DAB1: variants seen among roughly 807,000 people sequenced by gnomAD.
The protein encoded by DAB1 is DAB adaptor protein 1.
Under a neutral mutation model 64.6 loss-of-function variants are expected in DAB1, and 15 were observed. The ratio of observed to expected loss-of-function variants is 0.23; its 90% confidence interval spans 0.16 to 0.36. The LOEUF is 0.36. Among genes scored for constraint, DAB1 ranks in the 10% least tolerant of loss-of-function variants. DAB1 has a pLI of 1.00. For synonymous variants in DAB1, 235 were observed against 251.9 expected, an observed-to-expected ratio of 0.93 and a Z score of 0.64; for missense variants, 596 against 706.7, an observed-to-expected ratio of 0.84 and a Z score of 1.78.
At chr1:58,453,200 T>C (rs578152920) in intron 3 of DAB1, among the ~76,000 whole-genome samples, 1 of 149,928 alleles carries the variant, frequency 6.7e-6, no homozygotes, top group East Asian at 2.0e-4. Flanking sequence ...GAGAGAGAAC[T>C]AGTGATCACC....
chr1:57,452,166 C>CCTTTTTTT (rs367685387), intron 7 of DAB1, among the ~76,000 whole-genome samples: 10 of 75,010 alleles, frequency 1.3e-4, no homozygotes, highest in African/African-American at 1.8e-4. Flanking sequence ...TGCACCCCCC[C>CCTTTTTTT]TTTTTTTTTT....
chr1:57,543,513 AT>A (rs964593427), intron 7 of DAB1, among the ~76,000 whole-genome samples: 162 of 152,260 alleles, frequency 1.1e-3, no homozygotes, highest in African/African-American at 3.9e-3. Flanking sequence ...ACCTGCCCTC[AT>A]TTTTTTATTA....
In DAB1 at chr1:57,111,720, A is replaced by T. The variant is rs80084811; in HGVS notation, c.306+24823T>A. 4.0e-3 allele frequency among the ~76,000 whole-genome samples: 605 copies of T among 152,294 alleles called. 16 individuals are homozygous for T. In the East Asian group the frequency reaches 0.062, roughly 16 times the overall value. ...CACTATCTGAAATTATTTTATTTACATGGTTATTGCCTGACTCTTCCAATA... is the reference window on the plus strand; with the variant it reads ...CACTATCTGAAATTATTTTATTTACTTGGTTATTGCCTGACTCTTCCAATA... On this transcript the variant is annotated intron_variant, in intron 4 of 14. Transcript: ENST00000371236.
intron 4 of DAB1, among the ~76,000 whole-genome samples, chr1:57,087,096 T>C (rs1347455311): frequency 6.6e-6 from 1 of 152,214 alleles, no homozygotes; most frequent in Non-Finnish European, 1.5e-5. Context: ...CACAGAGCTA[T>C]GTAACCTGGA....
chr1:57,753,506 G>T (rs528428897), intron 6 of DAB1, among the ~76,000 whole-genome samples: 1 of 152,266 alleles, frequency 6.6e-6, no homozygotes, highest in East Asian at 1.9e-4. Flanking sequence ...TGAACATTTT[G>T]AAATCTCTGT....
At chr1:57,982,962 G>T (rs528465197) in intron 5 of DAB1, among the ~76,000 whole-genome samples, 1 of 152,298 alleles carries the variant, frequency 6.6e-6, no homozygotes, top group East Asian at 1.9e-4. Context: ...GAAAACGAAG[G>T]CTCAGAGAGA....
chr1:57,211,759 T>TA (rs36080258), intron 2 of DAB1, among the ~76,000 whole-genome samples: 42,094 of 152,080 alleles, frequency 0.28, 7,394 homozygotes, highest in Middle Eastern at 0.41. Context: ...TTAGAAAAAG[T>TA]AAAAAACAAT....
rs978761273 is a variant in DAB1, at chr1:57,654,057, G to T, written n.552-4392C>A. On this transcript the variant is annotated intron_variant and non_coding_transcript_variant, in intron 6 of 20. Transcript: ENST00000485760. Reference sequence around the variant, plus strand: ...AAAATATCTTATTGTGTTTTAGCATGTATTTCTCTACATGCTAAAATACAA... The same window carrying T: ...AAAATATCTTATTGTGTTTTAGCATTTATTTCTCTACATGCTAAAATACAA... Among the ~76,000 whole-genome samples the T allele has an allele frequency of 6.6e-5, 10 of 152,238 alleles. No individual in the cohort carries two copies. The South Asian group carries it at 1.7e-3, about 25-fold the overall frequency.
chr1:57,116,461 CAAAAA>C (rs61590002), intron 4 of DAB1, among the ~76,000 whole-genome samples: 2 of 71,970 alleles, frequency 2.8e-5, no homozygotes, highest in African/African-American at 5.5e-5. Context: ...GACTCTGTCT[CAAAAA>C]AAAAAAAAAA....
At chr1:57,865,473 C>G (rs1162194404) in intron 1 of DAB1, among the ~76,000 whole-genome samples, 2 of 152,094 alleles carry the variant, frequency 1.3e-5, no homozygotes, top group African/African-American at 4.8e-5. Context: ...GCCACACACC[C>G]AACTTCAAAT....
intron 2 of DAB1, among the ~76,000 whole-genome samples, chr1:57,229,076 G>A (rs184218887): frequency 2.3e-3 from 347 of 152,016 alleles, no homozygotes; most frequent in African/African-American, 7.9e-3. Context: ...TGCAATAAAA[G>A]TTTTTTAGAA....
chr1:57,069,304 C>T, intron 8 of DAB1, 56 bp downstream of exon 8: 1 of 1,373,498 alleles, frequency 7.3e-7, no homozygotes, highest in African/African-American at 1.4e-5. Context: ...ACTATCAGTA[C>T]ATTTATGCAT....
chr1:57,748,956 A>G (rs1648421183), intron 6 of DAB1, among the ~76,000 whole-genome samples: 1 of 152,196 alleles, frequency 6.6e-6, no homozygotes, highest in South Asian at 2.1e-4. Context: ...TTGCCCACAT[A>G]AAATGCATTT....
intron 2 of DAB1, among the ~76,000 whole-genome samples, chr1:57,279,700 G>T (rs1377467603): frequency 2.0e-5 from 3 of 152,174 alleles, no homozygotes; most frequent in Non-Finnish European, 2.9e-5. Flanking sequence ...GTCACAAAGG[G>T]CTGATTGTAC....
intron 6 of DAB1, among the ~76,000 whole-genome samples, chr1:57,771,824 T>G (rs1326022248): frequency 6.6e-6 from 1 of 152,152 alleles, no homozygotes; most frequent in Non-Finnish European, 1.5e-5. Flanking sequence ...CTCTAGAAAT[T>G]TATATACATG....
At chr1:57,737,681 C>A (rs564026751) in intron 6 of DAB1, among the ~76,000 whole-genome samples, 1 of 152,246 alleles carries the variant, frequency 6.6e-6, no homozygotes, top group South Asian at 2.1e-4. Flanking sequence ...ACTGGACCAT[C>A]CCCTTGATGC....
chr1:58,278,273 AT>A (rs1661499433), intron 4 of DAB1, among the ~76,000 whole-genome samples: 1 of 23,670 alleles, frequency 4.2e-5, no homozygotes, highest in Non-Finnish European at 1.0e-4. Flanking sequence ...GCCATGTAAG[AT>A]GTGCCTGCTT....
At chr1:57,205,546 A>G (rs1665468382) in intron 2 of DAB1, among the ~76,000 whole-genome samples, 2 of 152,252 alleles carry the variant, frequency 1.3e-5, no homozygotes, top group African/African-American at 4.8e-5. Context: ...ACTTGAAAAT[A>G]GAACTAAGAG....
chr1:58,030,628 T>C (rs573483236), intron 5 of DAB1, among the ~76,000 whole-genome samples: 1 of 152,326 alleles, frequency 6.6e-6, no homozygotes, highest in African/African-American at 2.4e-5. Context: ...GAACATGAGA[T>C]GGCCCCATCC....
Sources: gnomAD v4.1 joint callset for allele counts (sites outside exome capture counted in the v4.1 genomes callset) on GRCh38, gnomAD v4.1.1 for gene constraint, MANE v1.5 for transcripts, NCBI Gene and HGNC (gene_info 2026-07-23, HGNC 2026-07-21) for gene names.